The following KCNK10 variants were observed in gnomAD, a reference collection of about 807,000 sequenced individuals.
The protein encoded by KCNK10 is potassium channel subfamily K member 10.
KCNK10 carries 25 observed loss-of-function variants against 47.7 expected under a neutral mutation model. The observed-to-expected ratio is 0.52, with a 90% confidence interval of 0.38 to 0.73. The LOEUF is 0.73. Among genes scored for constraint, KCNK10 ranks in the 30% least tolerant of loss-of-function variants. KCNK10 has a pLI of 0.00. For missense variants in KCNK10, 563 were observed against 714.5 expected (o/e 0.79, Z 2.42); for synonymous variants, 303 against 285.6 (o/e 1.06, Z -0.61).
chr14:88,268,995 G>A (rs1034545804), intron 1 of KCNK10, among the ~76,000 whole-genome samples: 11 of 152,204 alleles, frequency 7.2e-5, no homozygotes, highest in African/African-American at 9.6e-5. Flanking sequence ...AAAATTAGCC[G>A]GGTATGGTGG....
intron 2 of KCNK10, among the ~76,000 whole-genome samples, chr14:88,251,771 T>G (rs1031670538): frequency 2.4e-4 from 37 of 152,214 alleles, no homozygotes; most frequent in Non-Finnish European, 5.1e-4. Flanking sequence ...CTCCTGCCTG[T>G]CTCCAGCCAA....
chr14:88,257,815 T>C (rs144791598), intron 2 of KCNK10, among the ~76,000 whole-genome samples: 1 of 152,364 alleles, frequency 6.6e-6, no homozygotes, highest in Non-Finnish European at 1.5e-5. Context: ...GATAGCTCTA[T>C]TCCAAAAGAT....
intron 1 of KCNK10, among the ~76,000 whole-genome samples, chr14:88,276,448 T>C (rs963574859): frequency 5.9e-5 from 9 of 152,106 alleles, no homozygotes; most frequent in African/African-American, 2.2e-4. Context: ...TGGTATTTCA[T>C]TATAGTAGCC....
chr14:88,296,950 T>C (rs1887997572), intron 1 of KCNK10, among the ~76,000 whole-genome samples: 1 of 152,194 alleles, frequency 6.6e-6, no homozygotes, highest in South Asian at 2.1e-4. Context: ...AAATTTAAAT[T>C]GCCAATTAAA....
chr14:88,202,282 G>A (rs1394465542), intron 4 of KCNK10, among the ~76,000 whole-genome samples: 1 of 152,198 alleles, frequency 6.6e-6, no homozygotes, highest in Non-Finnish European at 1.5e-5. Context: ...ACCAAACAGA[G>A]CTAATGTGAT....
chr14:88,316,113 C>T (rs1245114992), intron 1 of KCNK10, among the ~76,000 whole-genome samples: 1 of 152,130 alleles, frequency 6.6e-6, no homozygotes, highest in Non-Finnish European at 1.5e-5. Context: ...ATCTCCCAGC[C>T]TCATCCCCAC....
chr14:88,242,563 C>T (rs763134329), intron 2 of KCNK10, among the ~76,000 whole-genome samples: 7 of 152,168 alleles, frequency 4.6e-5, no homozygotes, highest in African/African-American at 1.7e-4. Context: ...TGCAAGACCG[C>T]AGCCGGCCAC....
rs375710176 is a variant in KCNK10, at chr14:88,263,385, C to G, written c.219G>C (p.Lys73Asn). ...CAAAGATGGCAACCACCGTCTTCCACTTCATGACGGTCTGCAAGCCCCCTT... is the reference window on the plus strand; with the variant it reads ...CAAAGATGGCAACCACCGTCTTCCAGTTCATGACGGTCTGCAAGCCCCCTT... Reference protein sequence around the residue: ...TSQGGLQTVMKWKTVVAIFVV... With the variant: ...TSQGGLQTVMNWKTVVAIFVV... Residue 73 changes from lysine to asparagine, a missense_variant, in exon 2 of 7, where the codon AAG (lysine) becomes AAC (asparagine). Lys to Asn is a moderately conservative substitution (Grantham distance 94). Transcript: ENST00000319231. 6.2e-7 allele frequency: 1 copy of G among 1,614,108 alleles called. No individual in the cohort carries two copies. Among genetic ancestry groups the G allele is most frequent in the Non-Finnish European group, 8.5e-7 (1 of 1,180,054 alleles).
rs890302118 is a variant in KCNK10, at chr14:88,230,122, T to A, written c.521-2587A>T. Among the ~76,000 whole-genome samples, 3 of 152,270 alleles carry A rather than the reference T, an allele frequency of 2.0e-5. No homozygotes were observed. In the South Asian group the frequency reaches 6.2e-4, roughly 32 times the overall value. ...AGTTACATGCAAAGCAAGAGTTACA[T>A]GTGAAGATTAAATACCTGTGAAATA... On this transcript the variant is annotated intron_variant, in intron 3 of 6. Transcript: ENST00000319231.
upstream of KCNK10, among the ~76,000 whole-genome samples, chr14:88,325,465 T>A (rs1474237273): frequency 2.0e-5 from 3 of 152,188 alleles, no homozygotes; most frequent in Non-Finnish European, 4.4e-5. Context: ...ACTGGCCTCC[T>A]TTTACAGATG....
intron 1 of KCNK10, among the ~76,000 whole-genome samples, chr14:88,274,549 T>TAAAAAAAAAAAAAAAAAAAAACAAA (rs3994047): frequency 2.5e-5 from 1 of 40,504 alleles, no homozygotes; most frequent in Non-Finnish European, 4.0e-5. Flanking sequence ...AGACTCTATC[T>TAAAAAAAAAAAAAAAAAAAAACAAA]AAAAAAAAAA....
At chr14:88,319,241 A>G (rs1888492748) in intron 1 of KCNK10, among the ~76,000 whole-genome samples, 2 of 152,142 alleles carry the variant, frequency 1.3e-5, no homozygotes, top group Non-Finnish European at 2.9e-5. Context: ...TGCTATCCAA[A>G]CCAATCTATT....
chr14:88,288,149 G>A (rs140223194), intron 1 of KCNK10, among the ~76,000 whole-genome samples: 315 of 152,168 alleles, frequency 2.1e-3, no homozygotes, highest in Admixed American at 3.5e-3. Context: ...ATTGCCACAC[G>A]TTCTAAAGCA....
chr14:88,268,929 G>A (rs1887339155), intron 1 of KCNK10, among the ~76,000 whole-genome samples: 1 of 152,266 alleles, frequency 6.6e-6, no homozygotes, highest in Admixed American at 6.5e-5. Flanking sequence ...TGGGAGGCTG[G>A]GAGTTCGAGA....
At position 88,266,722 on chromosome 14, in the gene KCNK10, C is replaced by A. The variant is rs1887269165; in HGVS notation, c.53-3171G>T. 2.6e-5 allele frequency among the ~76,000 whole-genome samples: 4 copies of A among 152,178 alleles called. 1 individual carries two copies. In the South Asian group the frequency reaches 8.3e-4, roughly 32 times the overall value. On this transcript the variant is annotated intron_variant, in intron 1 of 6. Transcript: ENST00000319231. ...GGGGATAAGGCACAGTCCCTCCCAG[C>A]CTCAGGGGCTTGCCAGTCAGCTTAA...
At position 88,183,030 on chromosome 14, in the gene KCNK10, A is replaced by C. The variant is rs1884422499; in HGVS notation, c.*2505T>G. 1 of 152,502 alleles carries C rather than the reference A, an allele frequency of 6.6e-6. No homozygotes were observed. The highest frequency in any genetic ancestry group is 1.9e-4 in the East Asian group (1 of 5,318). 9.4% of individuals were successfully genotyped at this position (152,502 alleles called of 1,614,324 possible). A position where few individuals can be genotyped will look rare whatever the true frequency, so the allele number is the denominator to read the frequency against. ...CTCCCCACATCTGTAAGCTGTGTCC[A>C]TGAAGCTAGAAAGACACACATACAC... On this transcript the variant is annotated 3_prime_UTR_variant, in exon 7 of 7. Transcript: ENST00000319231.
At chr14:88,307,912 A>G (rs909819115) in intron 1 of KCNK10, among the ~76,000 whole-genome samples, 6 of 152,150 alleles carry the variant, frequency 3.9e-5, no homozygotes, top group African/African-American at 1.2e-4. Context: ...CTTCGTGTGC[A>G]TGGTCTCATT....
intron 1 of KCNK10, chr14:88,270,931 G>A (rs1380610656): frequency 1.4e-6 from 1 of 719,424 alleles, no homozygotes; most frequent in Non-Finnish European, 2.6e-6. Context: ...CTCCCTTCCA[G>A]GACCTGGCGC....
At chr14:88,224,578 G>A (rs779731242) in intron 4 of KCNK10, among the ~76,000 whole-genome samples, 16 of 152,154 alleles carry the variant, frequency 1.1e-4, no homozygotes, top group Non-Finnish European at 1.6e-4. Flanking sequence ...CAGGATTCAG[G>A]CATCTTGAAG....
Sources: allele counts gnomAD v4.1 joint callset (sites outside exome capture counted in the v4.1 genomes callset), GRCh38; gene constraint gnomAD v4.1.1; transcripts MANE v1.5; gene names NCBI Gene and HGNC (gene_info 2026-07-23, HGNC 2026-07-21).